Variants in TPRG1 observed in about 807,000 individuals in gnomAD.
TPRG1 encodes the protein tumor protein p63 regulated 1, also known as tumor protein p63-regulated gene 1 protein.
Under a neutral mutation model 29.3 loss-of-function variants are expected in TPRG1, and 29 were observed. The observed-to-expected ratio is 0.99, with a 90% CI of 0.74 to 1.35. The LOEUF (loss-of-function observed/expected upper bound fraction) is 1.35. Among genes scored for constraint, TPRG1 ranks in the 40% most tolerant of loss-of-function variants. The pLI is 0.00. For synonymous variants in TPRG1, 130 were observed against 116.8 expected (o/e 1.11, Z -0.73); for missense variants, 327 against 335.0 (o/e 0.98, Z 0.19).
chr3:189,175,377 T>C (rs1446995761), intron 1 of TPRG1, among the ~76,000 whole-genome samples: 1 of 152,186 alleles, frequency 6.6e-6, no homozygotes, highest in African/African-American at 2.4e-5. Context: ...AAGCATTTAC[T>C]ACAGCTCAAT....
At chr3:189,160,208 G>A (rs758956919) in intron 5 of TPRG1, among the ~76,000 whole-genome samples, 4 of 152,138 alleles carry the variant, frequency 2.6e-5, no homozygotes, top group African/African-American at 9.7e-5. Context: ...TGGAGTGAAT[G>A]AAAAGATCCC....
intron 3 of TPRG1, among the ~76,000 whole-genome samples, chr3:189,023,366 C>G (rs1713475233): frequency 1.3e-5 from 2 of 152,220 alleles, no homozygotes; most frequent in South Asian, 4.1e-4. Context: ...ATTTTCCTCT[C>G]TATACTGGCT....
At chr3:189,029,035 A>G (rs968450291) in intron 4 of TPRG1, among the ~76,000 whole-genome samples, 2 of 152,134 alleles carry the variant, frequency 1.3e-5, no homozygotes, top group Non-Finnish European at 2.9e-5. Context: ...TAAAAAAAAA[A>G]AAAAGTAATT....
At chr3:189,218,413 G>A (rs1359915693) in intron 3 of TPRG1, among the ~76,000 whole-genome samples, 2 of 152,114 alleles carry the variant, frequency 1.3e-5, no homozygotes, top group Non-Finnish European at 2.9e-5. Flanking sequence ...ATCGCGCCCG[G>A]CCGAGATTCT....
At chr3:189,209,607 A>G (rs752658835) in intron 2 of TPRG1, among the ~76,000 whole-genome samples, 1 of 152,172 alleles carries the variant, frequency 6.6e-6, no homozygotes, top group East Asian at 1.9e-4. Flanking sequence ...AGTTTGAGAA[A>G]AATGAAGTGA....
intron 1 of TPRG1, among the ~76,000 whole-genome samples, chr3:189,204,947 T>A (rs796133639): frequency 0.016 from 2,357 of 147,072 alleles, 38 homozygotes; most frequent in African/African-American, 0.04. Context: ...TCTCTCTCTC[T>A]CACACACACA....
intron 3 of TPRG1, among the ~76,000 whole-genome samples, chr3:189,140,048 A>C (rs1724332741): frequency 6.6e-6 from 1 of 152,142 alleles, no homozygotes; most frequent in Non-Finnish European, 1.5e-5. Flanking sequence ...AGATCTATGC[A>C]CACACACACA....
intron 1 of TPRG1, among the ~76,000 whole-genome samples, chr3:189,125,599 TA>T (rs1722360123): frequency 6.6e-6 from 1 of 152,082 alleles, no homozygotes; most frequent in Non-Finnish European, 1.5e-5. Flanking sequence ...CTCCCCCAAT[TA>T]ATCCTTCTTT....
intron 4 of TPRG1, among the ~76,000 whole-genome samples, chr3:189,287,745 T>C (rs1718317915): frequency 6.6e-6 from 1 of 152,202 alleles, no homozygotes; most frequent in African/African-American, 2.4e-5. Flanking sequence ...GAGGAATCAC[T>C]GGATTTTTCT....
At chr3:189,083,078 G>T (rs1717709751) in intron 4 of TPRG1, among the ~76,000 whole-genome samples, 2 of 152,128 alleles carry the variant, frequency 1.3e-5, no homozygotes. Context: ...AATTAGTGGG[G>T]GCTGTGGGTG....
intron 4 of TPRG1, among the ~76,000 whole-genome samples, chr3:189,092,352 C>G (rs1269030210): frequency 1.3e-5 from 2 of 151,870 alleles, no homozygotes; most frequent in South Asian, 2.1e-4. Context: ...GTGGACCACA[C>G]TTTAAGTATC....
At chr3:189,057,857 CACACAT>C (rs1560419179) in intron 4 of TPRG1, among the ~76,000 whole-genome samples, 4 of 106,888 alleles carry the variant, frequency 3.7e-5, no homozygotes, top group African/African-American at 1.2e-4. Context: ...TATATATATA[CACACAT>C]ACGTATGTGT....
intron 1 of TPRG1, among the ~76,000 whole-genome samples, chr3:189,201,837 G>A (rs1033309366): frequency 6.6e-6 from 1 of 152,066 alleles, no homozygotes; most frequent in South Asian, 2.1e-4. Context: ...TTTTAGTAGA[G>A]ATGGGGTTTC....
At chr3:189,172,465 A>C (rs1221241019) in intron 1 of TPRG1, among the ~76,000 whole-genome samples, 1 of 152,172 alleles carries the variant, frequency 6.6e-6, no homozygotes, top group East Asian at 1.9e-4. Context: ...GGTCAATTGA[A>C]GTGATTTGTT....
intron 4 of TPRG1, among the ~76,000 whole-genome samples, chr3:189,083,654 T>C (rs2152171914): frequency 6.6e-6 from 1 of 152,370 alleles, no homozygotes; most frequent in Admixed American, 6.5e-5. Flanking sequence ...CTCCCAATTG[T>C]ATTAATCTGT....
At chr3:189,059,756 C>A (rs1475700319) in intron 4 of TPRG1, among the ~76,000 whole-genome samples, 1 of 152,074 alleles carries the variant, frequency 6.6e-6, no homozygotes, top group Non-Finnish European at 1.5e-5. Flanking sequence ...AGCTGGGATT[C>A]AAACCTTGAT....
chr3:189,109,660 A>G (rs1720268121), intron 1 of TPRG1, among the ~76,000 whole-genome samples: 1 of 152,204 alleles, frequency 6.6e-6, no homozygotes, highest in African/African-American at 2.4e-5. Flanking sequence ...GCTTACAATC[A>G]ATAACTATTT....
intron 5 of TPRG1, among the ~76,000 whole-genome samples, chr3:189,317,185 A>G (rs1196326825): frequency 6.6e-6 from 1 of 152,216 alleles, no homozygotes; most frequent in African/African-American, 2.4e-5. Flanking sequence ...TTACTGATCT[A>G]TGAAAAGGCA....
intron 4 of TPRG1, among the ~76,000 whole-genome samples, chr3:189,095,004 G>A (rs945011199): frequency 6.6e-6 from 1 of 152,174 alleles, no homozygotes; most frequent in Non-Finnish European, 1.5e-5. Flanking sequence ...CTTGTGTCAT[G>A]TGTATTGATT....
Sources: allele counts gnomAD v4.1 joint callset (sites outside exome capture counted in the v4.1 genomes callset), GRCh38; gene constraint gnomAD v4.1.1; transcripts MANE v1.5; gene names NCBI Gene and HGNC (gene_info 2026-07-23, HGNC 2026-07-21).